Variants in CTNNA3 observed in about 807,000 individuals in gnomAD.
The protein encoded by CTNNA3 is catenin alpha 3.
Under a neutral mutation model 95.7 loss-of-function variants are expected in CTNNA3, and 76 were observed. The observed-to-expected ratio is 0.79, with a 90% CI of 0.66 to 0.96. The LOEUF (loss-of-function observed/expected upper bound fraction) is 0.96. Ranked by LOEUF, CTNNA3 falls within the 40% of genes least tolerant of loss-of-function variation. The pLI is 0.00. For missense variants in CTNNA3, 1,191 were observed against 1,089.8 expected, an observed-to-expected ratio of 1.09 and a Z score of -1.31; for synonymous variants, 431 against 374.4, an observed-to-expected ratio of 1.15 and a Z score of -1.74.
chr10:66,370,286 C>A (rs1287191931), intron 12 of CTNNA3, among the ~76,000 whole-genome samples: 1 of 152,050 alleles, frequency 6.6e-6, no homozygotes, highest in African/African-American at 2.4e-5. Context: ...AATTAGCTGT[C>A]TTTGCAGCTA....
intron 7 of CTNNA3, among the ~76,000 whole-genome samples, chr10:66,805,943 T>C (rs1335284021): frequency 6.6e-6 from 1 of 152,058 alleles, no homozygotes; most frequent in Non-Finnish European, 1.5e-5. Context: ...TTTTTCAGCT[T>C]TCACATTTAC....
At chr10:66,509,555 T>C (rs116522237) in intron 11 of CTNNA3, among the ~76,000 whole-genome samples, 1,584 of 152,102 alleles carry the variant, frequency 0.01, 28 homozygotes, top group African/African-American at 0.037. Flanking sequence ...TAGTGAGAGA[T>C]GGTCTTCTAG....
At chr10:67,253,523 G>A (rs1866194976) in intron 5 of CTNNA3, among the ~76,000 whole-genome samples, 1 of 152,046 alleles carries the variant, frequency 6.6e-6, no homozygotes, top group African/African-American at 2.4e-5. Context: ...CTAGGATGTG[G>A]GAGATGAGCG....
chr10:65,989,897 A>T (rs540101210), intron 15 of CTNNA3, among the ~76,000 whole-genome samples: 102 of 152,194 alleles, frequency 6.7e-4, no homozygotes, highest in South Asian at 6.2e-4. Context: ...AGCCTCAGAT[A>T]ACTATGATTC....
At chr10:66,966,374 A>G (rs1046069659) in intron 7 of CTNNA3, among the ~76,000 whole-genome samples, 2 of 152,168 alleles carry the variant, frequency 1.3e-5, no homozygotes, top group Non-Finnish European at 1.5e-5. Context: ...TTGTATAATG[A>G]AATGAAAAAT....
chr10:65,996,054 G>T (rs993140747), intron 15 of CTNNA3, among the ~76,000 whole-genome samples: 1 of 152,144 alleles, frequency 6.6e-6, no homozygotes, highest in Non-Finnish European at 1.5e-5. Flanking sequence ...CTCAAGGCAC[G>T]TGCAAGTACA....
At chr10:66,407,133 G>C (rs1911484) in intron 11 of CTNNA3, among the ~76,000 whole-genome samples, 53,204 of 151,216 alleles carry the variant, frequency 0.35, 10,599 homozygotes, top group African/African-American at 0.54. Context: ...CACCCAATTA[G>C]CTTCGGTAGA....
chr10:66,407,701 C>T (rs1304845839), intron 11 of CTNNA3, among the ~76,000 whole-genome samples: 3 of 151,996 alleles, frequency 2.0e-5, no homozygotes, highest in Admixed American at 2.0e-4. Context: ...CTGCCTCAGC[C>T]TTCTGAGTAG....
rs1473487129 is a variant in CTNNA3 at position 67,669,498 on chromosome 10, A to G, written c.-5-21980T>C. ...CATAATAAGAATAGTAAGAAATGCA[A>G]AACAAACTGGGTTCAAATTCAAACT... is the stretch of plus-strand genomic sequence containing the variant. On this transcript the variant is annotated intron_variant, in intron 1 of 17. Coordinates refer to ENST00000433211, the MANE Select transcript of CTNNA3 (RefSeq NM_013266.4). Among the ~76,000 whole-genome samples, 10 of 152,184 alleles carry G rather than the reference A, an allele frequency of 6.6e-5. No homozygotes were observed. In the East Asian group the frequency reaches 1.9e-3, roughly 29 times the overall value.
chr10:66,348,618 A>C (rs2092543147), intron 12 of CTNNA3, among the ~76,000 whole-genome samples: 1 of 152,142 alleles, frequency 6.6e-6, no homozygotes. Context: ...AGAAAGAATC[A>C]AGTTTACTTT....
chr10:66,427,864 C>T (rs1178197194), intron 11 of CTNNA3, among the ~76,000 whole-genome samples: 1 of 152,078 alleles, frequency 6.6e-6, no homozygotes, highest in Non-Finnish European at 1.5e-5. Context: ...AAATAACAAG[C>T]TAACATCATA....
chr10:67,382,383 CT>C (rs1358539512), intron 5 of CTNNA3, among the ~76,000 whole-genome samples: 1 of 151,928 alleles, frequency 6.6e-6, no homozygotes, highest in East Asian at 1.9e-4. Context: ...TTTCAAAAAA[CT>C]TTAAAACAGT....
intron 5 of CTNNA3, among the ~76,000 whole-genome samples, chr10:67,468,537 G>A (rs1014803839): frequency 1.3e-5 from 2 of 152,050 alleles, no homozygotes; most frequent in African/African-American, 4.8e-5. Flanking sequence ...TGCCCCTCCA[G>A]GGTACAGAGA....
chr10:66,481,958 G>GA (rs931817315), intron 11 of CTNNA3, among the ~76,000 whole-genome samples: 3 of 148,582 alleles, frequency 2.0e-5, no homozygotes, highest in Non-Finnish European at 3.0e-5. Context: ...ATGCTTGAAA[G>GA]AAAAAAAAAG....
chr10:66,381,531 C>T (rs2132496423), intron 11 of CTNNA3, among the ~76,000 whole-genome samples: 1 of 152,038 alleles, frequency 6.6e-6, no homozygotes, highest in East Asian at 1.9e-4. Context: ...ATACTTGGCA[C>T]TTGTTAGGCT....
Position 67,419,391 on chromosome 10 carries a change from G to A in CTNNA3, c.579+102451C>T, listed in dbSNP as rs149287319. Among the ~76,000 whole-genome samples, 10 of 151,912 alleles carry A rather than the reference G, an allele frequency of 6.6e-5. No homozygotes were observed. The East Asian group carries it at 1.9e-3, about 29-fold the overall frequency. The stretch of plus-strand genomic sequence containing the variant: ...TTCAACTTTTATTTTAGATACAGGG[G>A]GTTCATGTGCAGATTTGTTATGTGG... On this transcript the variant is annotated intron_variant, in intron 5 of 17. Coordinates refer to ENST00000433211, the MANE Select transcript of CTNNA3 (RefSeq NM_013266.4).
At chr10:67,534,606 A>G (rs1840434786) in intron 4 of CTNNA3, among the ~76,000 whole-genome samples, 1 of 152,174 alleles carries the variant, frequency 6.6e-6, no homozygotes, top group Non-Finnish European at 1.5e-5. Context: ...GTCTTCCTGT[A>G]AGTTTCTGTA....
At chr10:66,417,421 A>G (rs1312398587) in intron 11 of CTNNA3, among the ~76,000 whole-genome samples, 2 of 152,084 alleles carry the variant, frequency 1.3e-5, no homozygotes, top group Non-Finnish European at 2.9e-5. Flanking sequence ...CTCCAATGCA[A>G]TAACTGTGGG....
chr10:67,184,661 T>C (rs1419339904), intron 6 of CTNNA3, among the ~76,000 whole-genome samples: 4 of 152,246 alleles, frequency 2.6e-5, no homozygotes, highest in African/African-American at 9.6e-5. Flanking sequence ...TTGAGCTTCA[T>C]CTTTGACATC....
Sources: allele counts gnomAD v4.1 joint callset (sites outside exome capture counted in the v4.1 genomes callset), GRCh38; gene constraint gnomAD v4.1.1; transcripts MANE v1.5; gene names NCBI Gene and HGNC (gene_info 2026-07-23, HGNC 2026-07-21).